The following CNTNAP2 variants were observed in gnomAD, a reference collection of about 807,000 sequenced individuals.
CNTNAP2 encodes contactin associated protein 2, also known as contactin-associated protein-like 2.
A neutral mutation model predicts 155.2 loss-of-function variants in CNTNAP2; 98 were observed. That is an observed-to-expected ratio of 0.63 (90% CI 0.54 to 0.75). The LOEUF is 0.75. CNTNAP2 is among the 30% of genes least tolerant of loss of function. The pLI, the probability that CNTNAP2 is intolerant of heterozygous loss-of-function variation, is 0.00. For missense variants in CNTNAP2, 1,727 were observed against 1,688.1 expected (o/e 1.02, Z -0.40); for synonymous variants, 651 against 631.2 (o/e 1.03, Z -0.47).
intron 9 of CNTNAP2, among the ~76,000 whole-genome samples, chr7:147,312,084 T>C (rs2116797667): frequency 6.6e-6 from 1 of 152,184 alleles, no homozygotes; most frequent in Middle Eastern, 3.4e-3. Flanking sequence ...AATAAGTTAG[T>C]TTTTCTAGTT....
chr7:146,760,728 A>T (rs1802083188), intron 1 of CNTNAP2, among the ~76,000 whole-genome samples: 1 of 151,894 alleles, frequency 6.6e-6, no homozygotes, highest in Admixed American at 6.6e-5. Flanking sequence ...CCTGGAGACT[A>T]CTAATTTATA....
At chr7:148,122,675 G>C (rs1484414584) in intron 16 of CNTNAP2, among the ~76,000 whole-genome samples, 1 of 152,092 alleles carries the variant, frequency 6.6e-6, no homozygotes, top group African/African-American at 2.4e-5. Flanking sequence ...GCATTCACCA[G>C]AGAAAAGACT....
intron 22 of CNTNAP2, among the ~76,000 whole-genome samples, chr7:148,398,775 T>C (rs1322800887): frequency 6.6e-6 from 1 of 152,224 alleles, no homozygotes; most frequent in African/African-American, 2.4e-5. Context: ...GATGTGTTTC[T>C]CTGCAGAAGT....
At chr7:147,316,404 G>A (rs372588798) in intron 9 of CNTNAP2, among the ~76,000 whole-genome samples, 2 of 152,084 alleles carry the variant, frequency 1.3e-5, no homozygotes, top group Non-Finnish European at 2.9e-5. Flanking sequence ...ACTGGATAAT[G>A]ATGTGAGGTT....
chr7:147,933,590 C>T (rs755836360), intron 14 of CNTNAP2, among the ~76,000 whole-genome samples: 2 of 152,092 alleles, frequency 1.3e-5, no homozygotes, highest in Admixed American at 6.6e-5. Context: ...CCTGGCTGGG[C>T]GTGGTGGCTC....
At chr7:146,846,562 A>C (rs1424063797) in intron 3 of CNTNAP2, among the ~76,000 whole-genome samples, 1 of 152,142 alleles carries the variant, frequency 6.6e-6, no homozygotes, top group African/African-American at 2.4e-5. Flanking sequence ...CATATACTGT[A>C]ATGCATCTAC....
chr7:147,010,129 C>CCTCCCGA (rs1798598307), intron 3 of CNTNAP2, among the ~76,000 whole-genome samples: 1 of 151,482 alleles, frequency 6.6e-6, no homozygotes, highest in Non-Finnish European at 1.5e-5. Context: ...TCCACCTCGG[C>CCTCCCGA]CTCCCGAGTA....
intron 8 of CNTNAP2, among the ~76,000 whole-genome samples, chr7:147,185,499 A>T (rs10255525): frequency 6.6e-6 from 1 of 151,896 alleles, no homozygotes; most frequent in Non-Finnish European, 1.5e-5. Context: ...TTATACTATC[A>T]GCAGTAGAAT....
At chr7:147,455,627 A>G (rs1797906106) in intron 10 of CNTNAP2, among the ~76,000 whole-genome samples, 1 of 152,192 alleles carries the variant, frequency 6.6e-6, no homozygotes, top group African/African-American at 2.4e-5. Context: ...AAATAGAGGG[A>G]AACTTTCCCC....
intron 1 of CNTNAP2, among the ~76,000 whole-genome samples, chr7:146,272,348 C>T (rs1342584731): frequency 2.0e-5 from 3 of 152,098 alleles, no homozygotes; most frequent in Non-Finnish European, 4.4e-5. Flanking sequence ...TCTCCAATGG[C>T]ACGTGGGGAT....
At chr7:146,773,442 C>T (rs527715526) in intron 1 of CNTNAP2, among the ~76,000 whole-genome samples, 1 of 152,330 alleles carries the variant, frequency 6.6e-6, no homozygotes, top group South Asian at 2.1e-4. Context: ...GTTGCCCAGG[C>T]TGGAGTGCAG....
intron 17 of CNTNAP2, among the ~76,000 whole-genome samples, chr7:148,165,395 C>A (rs563720626): frequency 2.6e-5 from 4 of 152,240 alleles, no homozygotes; most frequent in African/African-American, 9.6e-5. Flanking sequence ...ATTCAACAGA[C>A]AAATTTTGAG....
At chr7:147,410,326 G>C (rs1016280267) in intron 10 of CNTNAP2, among the ~76,000 whole-genome samples, 2 of 152,126 alleles carry the variant, frequency 1.3e-5, no homozygotes, top group African/African-American at 4.8e-5. Context: ...CTTATAAGTG[G>C]GAGCTAACTA....
intron 22 of CNTNAP2, among the ~76,000 whole-genome samples, chr7:148,398,469 C>T (rs977556668): frequency 1.5e-4 from 23 of 152,294 alleles, no homozygotes; most frequent in African/African-American, 4.8e-4. Context: ...CACTGAACTC[C>T]TTTGAAAGAC....
chr7:148,107,051 A>G (rs1804239424), intron 15 of CNTNAP2, among the ~76,000 whole-genome samples: 1 of 152,238 alleles, frequency 6.6e-6, no homozygotes, highest in African/African-American at 2.4e-5. Context: ...GAGAGCCTGA[A>G]GAGCTTCATA....
At chr7:147,510,870 T>TATATATATATATATATATATATATAA (rs1554400075) in intron 11 of CNTNAP2, among the ~76,000 whole-genome samples, 1 of 143,102 alleles carries the variant, frequency 7.0e-6, no homozygotes, top group Non-Finnish European at 1.5e-5. Context: ...TATATATATA[T>TATATATATATATATATATATATATAA]AATGCTTCCT....
At chr7:147,932,175 T>C (rs898922876) in intron 14 of CNTNAP2, among the ~76,000 whole-genome samples, 1 of 152,180 alleles carries the variant, frequency 6.6e-6, no homozygotes, top group East Asian at 1.9e-4. Flanking sequence ...CATGAGCCAC[T>C]GTGCCCGCCC....
At chr7:147,840,690 A>G (rs1798713627) in intron 13 of CNTNAP2, among the ~76,000 whole-genome samples, 1 of 152,226 alleles carries the variant, frequency 6.6e-6, no homozygotes, top group Admixed American at 6.5e-5. Flanking sequence ...GGAGATCAGA[A>G]TGAATTTGAA....
At chr7:148,211,531 G>T (rs866989442) in intron 18 of CNTNAP2, among the ~76,000 whole-genome samples, 19 of 152,248 alleles carry the variant, frequency 1.2e-4, no homozygotes, top group African/African-American at 4.3e-4. Flanking sequence ...CATGTTGGTA[G>T]CTTGAAGTCG....
Sources: gnomAD v4.1 joint callset for allele counts (sites outside exome capture counted in the v4.1 genomes callset) on GRCh38, gnomAD v4.1.1 for gene constraint, MANE v1.5 for transcripts, NCBI Gene and HGNC (gene_info 2026-07-23, HGNC 2026-07-21) for gene names.